ABCC8: variants seen among roughly 807,000 people sequenced by gnomAD.
ABCC8 encodes the protein ATP binding cassette subfamily C member 8.
A neutral mutation model predicts 188.0 loss-of-function variants in ABCC8; 137 were observed. That is an observed-to-expected ratio of 0.73 (90% CI 0.63 to 0.84). The LOEUF is 0.84. ABCC8 is among the 40% of genes least tolerant of loss of function. The pLI is 0.00. For missense variants in ABCC8, 1,750 were observed against 2,072.7 expected, an observed-to-expected ratio of 0.84 and a Z score of 3.02; for synonymous variants, 797 against 846.5, an observed-to-expected ratio of 0.94 and a Z score of 1.01.
At chr11:17,440,728 G>A (rs985522205) in intron 10 of ABCC8, among the ~76,000 whole-genome samples, 1 of 152,254 alleles carries the variant, frequency 6.6e-6, no homozygotes, top group African/African-American at 2.4e-5. Flanking sequence ...CCCTGCCTGA[G>A]GCATAGGACA....
Position 17,393,464 on chromosome 11 carries a change from G to C in ABCC8, c.4608+233C>G, listed in dbSNP as rs191685071. The stretch of plus-strand genomic sequence containing the variant: ...GGGACAGGGGCAGGCCTTGGAACCT[G>C]GAGAAGGAGAGGGGAGGTCTGAGGG... On this transcript the variant is annotated intron_variant, in intron 38 of 38. Transcript: ENST00000389817. 1.7e-3 allele frequency among the ~76,000 whole-genome samples: 254 copies of C among 152,302 alleles called. 4 individuals are homozygous for C. The highest frequency in any genetic ancestry group is 1.3e-4 in the Non-Finnish European group (9 of 68,032).
intron 8 of ABCC8, among the ~76,000 whole-genome samples, chr11:17,443,644 A>C (rs923813437): frequency 2.0e-4 from 30 of 152,262 alleles, no homozygotes; most frequent in African/African-American, 7.0e-4. Context: ...TTGTGACAGC[A>C]CCTTTTGTTC....
chr11:17,396,142 G>T, intron 33 of ABCC8: 2 of 1,189,448 alleles, frequency 1.7e-6, no homozygotes, highest in South Asian at 1.5e-5. Flanking sequence ...GCACGCAAGT[G>T]CAGGCATGGA....
intron 28 of ABCC8, 152 bp from the exon 29 acceptor site, chr11:17,402,905 C>A: frequency 1.1e-6 from 1 of 886,986 alleles, no homozygotes; most frequent in Non-Finnish European, 1.8e-6. Flanking sequence ...GAAGACAATG[C>A]CACCAGCCCA....
At chr11:17,474,740 G>C in intron 2 of ABCC8, 146 bp downstream of exon 2, 1 of 895,474 alleles carries the variant, frequency 1.1e-6, no homozygotes, top group African/African-American at 1.6e-5. Flanking sequence ...GCTCAGAGAG[G>C]TTGGCACATA....
At chr11:17,472,888 G>A (rs1208263077) in intron 2 of ABCC8, among the ~76,000 whole-genome samples, 3 of 152,130 alleles carry the variant, frequency 2.0e-5, no homozygotes, top group African/African-American at 4.8e-5. Context: ...AAGCAGGCAA[G>A]CCAGGGACTA....
rs750685008 is a variant in ABCC8, at chr11:17,428,576, A to G, written c.1912T>C (p.Tyr638His). Residue 638 changes from tyrosine to histidine, a missense_variant, in exon 13 of 39, where the codon TAC becomes CAC. Transcript: ENST00000389817. ...GGCCGGGCACTCACCACCGCCTGGT[A>G]CTTGCTGGCTGGGCCCTGAGGTGTG... is the stretch of plus-strand genomic sequence containing the variant. ...EPTPQGPASKYQAVPLRVVNR... is the reference protein window; with the variant it reads ...EPTPQGPASKHQAVPLRVVNR... 3.7e-6 allele frequency: 6 copies of G among 1,613,996 alleles called. No individual in the cohort carries two copies. In the South Asian group the frequency reaches 4.4e-5, roughly 12 times the overall value.
chr11:17,400,625 C>T (rs1365930213), intron 29 of ABCC8, among the ~76,000 whole-genome samples: 1 of 152,182 alleles, frequency 6.6e-6, no homozygotes, highest in Non-Finnish European at 1.5e-5. Flanking sequence ...GAGCCCAGTG[C>T]TGGGCACTCT....
rs11024298 is a variant in ABCC8 at position 17,470,284 on chromosome 11, C to A, written c.291-62G>T. The A allele has an allele frequency of 0.017, 27,494 of 1,610,324 alleles. 2,451 individuals carry two copies. In the African/African-American group the frequency reaches 0.24, roughly 14 times the overall value. ...TGCTAAGTACTGCAATAGAGCAGCC[C>A]AGGCCTTGAATTTCAAAGGCTGAAC... On this transcript the variant is annotated intron_variant, in intron 2 of 38. Transcript: ENST00000389817.
At chr11:17,439,900 G>A (rs554049767) in intron 10 of ABCC8, among the ~76,000 whole-genome samples, 8 of 151,924 alleles carry the variant, frequency 5.3e-5, no homozygotes, top group East Asian at 1.9e-4. Flanking sequence ...ACAAAGCCAC[G>A]GCTTGTCTTC....
At chr11:17,402,519 T>G (rs1954296791) in intron 29 of ABCC8, 142 bp downstream of exon 29, 1 of 1,540,214 alleles carries the variant, frequency 6.5e-7, no homozygotes, top group Non-Finnish European at 8.7e-7. Flanking sequence ...GGATATCCCT[T>G]GGGCCTTGGG....
intron 17 of ABCC8, 140 bp from the exon 18 acceptor site, chr11:17,415,479 T>C: frequency 2.0e-6 from 3 of 1,525,350 alleles, no homozygotes; most frequent in Non-Finnish European, 2.6e-6. Context: ...AAATGCTGCA[T>C]AGAGAGGTGT....
chr11:17,397,126 T>C (rs914899606), intron 32 of ABCC8, 67 bp downstream of exon 32: 6 of 1,613,340 alleles, frequency 3.7e-6, no homozygotes, highest in East Asian at 2.2e-5. Flanking sequence ...CCAGGCTCCC[T>C]TGTGGCCCCC....
At chr11:17,464,039 G>C (rs780537968) in intron 3 of ABCC8, among the ~76,000 whole-genome samples, 5 of 152,228 alleles carry the variant, frequency 3.3e-5, no homozygotes, top group Admixed American at 6.5e-5. Context: ...AGAAAGGTTA[G>C]GTAACAGATC....
chr11:17,472,854 A>C (rs1848554600), intron 2 of ABCC8, among the ~76,000 whole-genome samples: 1 of 152,092 alleles, frequency 6.6e-6, no homozygotes, highest in South Asian at 2.1e-4. Flanking sequence ...TCCATGCTCG[A>C]ATTTCACCCT....
Position 17,427,112 on chromosome 11 carries a change from G to A in ABCC8, c.2159C>T (p.Ser720Phe). Residue 720 changes from serine (S) to phenylalanine (F), a missense_variant, in exon 16 of 39, where the codon TCC becomes TTC. Physicochemically the swap from Ser to Phe is radical, Grantham distance 155. Transcript: ENST00000389817. The surrounding 1 kb of genome is among the most constrained non-coding windows in gnomAD (Gnocchi z 5.0). ...MIVGQVGCGK[S>F]SLLLAALGEM... ...CCCCAGTGCGGCTAGAAGGAGCGAG[G>A]ACTTGCCGCAGCCCACCTGCCCCAC... is the stretch of plus-strand genomic sequence containing the variant. 1.2e-6 allele frequency: 2 copies of A among 1,613,914 alleles called. No homozygotes were observed. Among genetic ancestry groups the A allele is most frequent in the Non-Finnish European group, 1.7e-6 (2 of 1,179,928 alleles).
chr11:17,429,462 C>A, intron 12 of ABCC8: 1 of 152,440 alleles, frequency 6.6e-6, no homozygotes. Context: ...CAGCCTCCCT[C>A]CCCCACAGGC....
rs1564925409 is a variant in ABCC8, at chr11:17,428,611, G to C, written c.1877C>G (p.Pro626Arg). The change falls in exon 13 of 39, where the codon CCC (proline) becomes CGC (arginine). Residue 626 changes from proline (P) to arginine (R), a missense_variant. By Grantham distance (103) the Pro-to-Arg change is moderately radical. Transcript: ENST00000389817. ...SAEIREEQCA[P>R]HEPTPQGPAS... The stretch of plus-strand genomic sequence containing the variant: ...TGGGCCCTGAGGTGTGGGCTCATGG[G>C]GGGCACACTGCTCCTCACGGATCTC... 6.2e-7 allele frequency: 1 copy of C among 1,614,076 alleles called. No homozygotes were observed. Among genetic ancestry groups the C allele is most frequent in the Admixed American group, 1.7e-5 (1 of 60,032 alleles).
chr11:17,475,850 T>C (rs1053969985), intron 1 of ABCC8, among the ~76,000 whole-genome samples: 8 of 152,214 alleles, frequency 5.3e-5, no homozygotes, highest in African/African-American at 9.6e-5. Context: ...TATGAGTTGA[T>C]AGACTTGACT....
Sources: allele counts gnomAD v4.1 joint callset (sites outside exome capture counted in the v4.1 genomes callset), GRCh38; gene constraint gnomAD v4.1.1; non-coding constraint Gnocchi (gnomAD v3.1); transcripts MANE v1.5; gene names NCBI Gene and HGNC (gene_info 2026-07-23, HGNC 2026-07-21).